Variants in REEP3 observed in about 807,000 individuals in gnomAD.
REEP3 encodes the protein receptor expression-enhancing protein 3.
Under a neutral mutation model 41.3 loss-of-function variants are expected in REEP3, and 20 were observed. That is an observed-to-expected ratio of 0.48 (90% confidence interval 0.34 to 0.70). The LOEUF (loss-of-function observed/expected upper bound fraction) is 0.70. REEP3 is among the 30% of genes least tolerant of loss of function. The pLI, the probability that REEP3 is intolerant of heterozygous loss-of-function variation, is 0.01. For synonymous variants in REEP3, 104 were observed against 101.8 expected, an observed-to-expected ratio of 1.02 and a Z score of -0.13; for missense variants, 271 against 308.8, an observed-to-expected ratio of 0.88 and a Z score of 0.92.
At chr10:63,606,422 A>G (rs553073440) in intron 5 of REEP3, among the ~76,000 whole-genome samples, 6 of 148,446 alleles carry the variant, frequency 4.0e-5, no homozygotes, top group South Asian at 4.3e-4. Context: ...GTCTCGCTCT[A>G]TCACCCAGGC....
chr10:63,531,897 G>A (rs77123245), intron 1 of REEP3, among the ~76,000 whole-genome samples: 1 of 152,158 alleles, frequency 6.6e-6, no homozygotes, highest in African/African-American at 2.4e-5. Flanking sequence ...TTGTAGAAAA[G>A]AAATTACTGT....
intron 1 of REEP3, among the ~76,000 whole-genome samples, chr10:63,554,142 G>C (rs1001130079): frequency 1.3e-5 from 2 of 151,460 alleles, no homozygotes; most frequent in African/African-American, 4.9e-5. Context: ...GAACTTTCAC[G>C]TTATCTTTAA....
chr10:63,595,652 C>T (rs1033701418), intron 3 of REEP3, among the ~76,000 whole-genome samples: 11 of 152,026 alleles, frequency 7.2e-5, no homozygotes, highest in African/African-American at 2.7e-4. Context: ...TCTCGGCTCA[C>T]TGCAACCTCT....
chr10:63,623,682 A>G lies in REEP3; in HGVS notation c.*2813A>G, dbSNP rs2133442681. The G allele has an allele frequency of 6.6e-6, 1 of 152,276 alleles. No homozygotes were observed. Among genetic ancestry groups the G allele is most frequent in the African/African-American group, 2.4e-5 (1 of 41,474 alleles). 9.4% of individuals were successfully genotyped at this position (152,276 alleles called of 1,614,324 possible). A position where few individuals can be genotyped will look rare whatever the true frequency, so the allele number is the denominator to read the frequency against. ...TAAAAAGGAGCCAGAAATAAGCCTTATTGCTAAATAATTAATTATGTAAGC... is the reference window on the plus strand; with the variant it reads ...TAAAAAGGAGCCAGAAATAAGCCTTGTTGCTAAATAATTAATTATGTAAGC... On this transcript the variant is annotated 3_prime_UTR_variant, in exon 8 of 8. Coordinates refer to ENST00000373758, the MANE Select transcript of REEP3 (RefSeq NM_001001330.3).
chr10:63,592,169 G>A (rs1160037267), intron 2 of REEP3, among the ~76,000 whole-genome samples: 1 of 152,144 alleles, frequency 6.6e-6, no homozygotes, highest in Non-Finnish European at 1.5e-5. Flanking sequence ...TGGAGAGACT[G>A]GTCTGATGGC....
intron 1 of REEP3, among the ~76,000 whole-genome samples, chr10:63,552,333 T>C (rs1955637127): frequency 1.3e-5 from 2 of 152,118 alleles, no homozygotes; most frequent in Admixed American, 1.3e-4. Context: ...ATGGCATGAA[T>C]TCAGGAGGCG....
At chr10:63,611,106 G>A (rs748004966) in intron 6 of REEP3, among the ~76,000 whole-genome samples, 1 of 152,110 alleles carries the variant, frequency 6.6e-6, no homozygotes, top group African/African-American at 2.4e-5. Context: ...GCCTTTTGCT[G>A]ATTCTGGAGA....
intron 1 of REEP3, among the ~76,000 whole-genome samples, chr10:63,538,741 T>A (rs1345763561): frequency 2.7e-5 from 4 of 149,910 alleles, no homozygotes; most frequent in African/African-American, 4.9e-5. Flanking sequence ...CTCAAAAAAA[T>A]AAATAAATAA....
intron 1 of REEP3, among the ~76,000 whole-genome samples, chr10:63,552,227 A>T (rs1955635548): frequency 1.3e-5 from 2 of 149,988 alleles, no homozygotes; most frequent in South Asian, 4.2e-4. Context: ...ACACGGTGAA[A>T]CCCTGTCTTT....
chr10:63,565,758 A>G (rs1487096007), intron 1 of REEP3, among the ~76,000 whole-genome samples: 1 of 152,118 alleles, frequency 6.6e-6, no homozygotes, highest in Non-Finnish European at 1.5e-5. Flanking sequence ...GATTTCCTAC[A>G]TTTTCTAAAT....
intron 6 of REEP3, among the ~76,000 whole-genome samples, chr10:63,616,301 T>C (rs1239192427): frequency 1.3e-5 from 2 of 152,188 alleles, no homozygotes; most frequent in African/African-American, 4.8e-5. Flanking sequence ...GTATGCCCTC[T>C]GGCACCTTGT....
chr10:63,532,919 G>C (rs1193987223), intron 1 of REEP3, among the ~76,000 whole-genome samples: 1 of 152,086 alleles, frequency 6.6e-6, no homozygotes, highest in East Asian at 1.9e-4. Flanking sequence ...AAAAGAAGAG[G>C]AGAAAAAATG....
chr10:63,538,077 C>T (rs941744967), intron 1 of REEP3, among the ~76,000 whole-genome samples: 3 of 151,794 alleles, frequency 2.0e-5, no homozygotes, highest in African/African-American at 7.3e-5. Flanking sequence ...ATTAATGTGC[C>T]TGCACTATAG....
intron 6 of REEP3, among the ~76,000 whole-genome samples, chr10:63,616,016 A>G (rs1316419552): frequency 1.3e-5 from 2 of 152,202 alleles, no homozygotes; most frequent in Non-Finnish European, 2.9e-5. Context: ...CGCAAGAAGA[A>G]TATTTTACAA....
chr10:63,539,964 T>G (rs370458006), intron 1 of REEP3, among the ~76,000 whole-genome samples: 15 of 152,358 alleles, frequency 9.8e-5, no homozygotes, highest in Admixed American at 3.3e-4. Flanking sequence ...AGAGCTGAGC[T>G]GCCAAATACT....
At position 63,596,413 on chromosome 10, in the gene REEP3, G is replaced by A. The variant is rs182940912; in HGVS notation, c.182+1559G>A. Among the ~76,000 whole-genome samples, 7 of 151,546 alleles carry A rather than the reference G, an allele frequency of 4.6e-5. No homozygotes were observed. The East Asian group carries it at 1.4e-3, about 29-fold the overall frequency. The stretch of plus-strand genomic sequence containing the variant: ...CTATATATGTTATTTAAAAATGAAC[G>A]ATGTAGAAAATGTTTAACATGAACA... On this transcript the variant is annotated intron_variant, in intron 3 of 7. Coordinates refer to ENST00000373758, the MANE Select transcript of REEP3 (RefSeq NM_001001330.3).
At chr10:63,620,708 A>T in intron 7 of REEP3, 105 bp from the exon 8 acceptor site, 1 of 647,330 alleles carries the variant, frequency 1.5e-6, no homozygotes, top group Non-Finnish European at 2.5e-6. Flanking sequence ...TTCATTCTTT[A>T]TATCAAAAAG....
intron 1 of REEP3, among the ~76,000 whole-genome samples, chr10:63,564,300 GA>G (rs997825873): frequency 9.9e-5 from 15 of 152,148 alleles, no homozygotes; most frequent in African/African-American, 3.4e-4. Flanking sequence ...GTAAGCACTT[GA>G]AAAAATTTCA....
At chr10:63,571,845 A>G (rs955273027) in intron 2 of REEP3, among the ~76,000 whole-genome samples, 2 of 152,210 alleles carry the variant, frequency 1.3e-5, no homozygotes, top group Non-Finnish European at 2.9e-5. Flanking sequence ...CATGGATTGT[A>G]AAGACAGAAT....
Sources: gnomAD v4.1 joint callset for allele counts (sites outside exome capture counted in the v4.1 genomes callset) on GRCh38, gnomAD v4.1.1 for gene constraint, MANE v1.5 for transcripts, NCBI Gene and HGNC (gene_info 2026-07-23, HGNC 2026-07-21) for gene names.